SLC25A12: variants seen among roughly 807,000 people sequenced by gnomAD.
SLC25A12 encodes the protein solute carrier family 25 member 12, also known as electrogenic aspartate/glutamate antiporter SLC25A12, mitochondrial.
Under a neutral mutation model 83.3 loss-of-function variants are expected in SLC25A12, and 32 were observed. The ratio of observed to expected loss-of-function variants is 0.38; its 90% CI spans 0.29 to 0.52. SLC25A12 has a LOEUF of 0.52. Ranked by LOEUF, SLC25A12 falls within the 20% of genes least tolerant of loss-of-function variation. The probability of loss-of-function intolerance (pLI) is 0.84; values close to 1 mark genes in which losing one functional copy is unlikely to be tolerated. For synonymous variants in SLC25A12, 267 were observed against 291.1 expected, an observed-to-expected ratio of 0.92 and a Z score of 0.84; for missense variants, 611 against 835.6, an observed-to-expected ratio of 0.73 and a Z score of 3.31.
chr2:171,862,604 CA>C (rs761207598), intron 3 of SLC25A12, among the ~76,000 whole-genome samples: 1 of 152,144 alleles, frequency 6.6e-6, no homozygotes, highest in Non-Finnish European at 1.5e-5. Context: ...TTGCAGAGCA[CA>C]AAAGAGCGTG....
At chr2:171,867,147 G>A (rs1343956451) in intron 3 of SLC25A12, among the ~76,000 whole-genome samples, 3 of 151,092 alleles carry the variant, frequency 2.0e-5, no homozygotes, top group African/African-American at 7.3e-5. Flanking sequence ...TCACTTTCCA[G>A]ACTGGGCAGC....
intron 3 of SLC25A12, among the ~76,000 whole-genome samples, chr2:171,865,619 C>T (rs935535679): frequency 1.6e-4 from 24 of 151,792 alleles, no homozygotes; most frequent in African/African-American, 5.1e-4. Context: ...TGAGATCATG[C>T]CACTGTACTC....
chr2:171,816,151 A>C (rs942600767), intron 9 of SLC25A12, among the ~76,000 whole-genome samples: 4 of 149,444 alleles, frequency 2.7e-5, no homozygotes, highest in African/African-American at 7.4e-5. Flanking sequence ...CCGCAGCCTC[A>C]AATTCCCAGG....
At chr2:171,796,703 A>G (rs1371134646) in intron 13 of SLC25A12, among the ~76,000 whole-genome samples, 3 of 152,130 alleles carry the variant, frequency 2.0e-5, no homozygotes, top group Non-Finnish European at 4.4e-5. Context: ...GCCTAGGAAC[A>G]TAAGGCAAAT....
chr2:171,810,238 C>T lies in SLC25A12; in HGVS notation c.1210G>A (p.Ala404Thr). Residue 404 changes from alanine (A) to threonine (T), a missense_variant, in exon 12 of 18, where the codon GCC (alanine) becomes ACC (threonine). Transcript: ENST00000422440. ...GATAAACTTACAGTCAGTTTAATGG[C>T]CTTTTCTGGAGCAACCCCTATAAGT... ...PQLIGVAPEK[A>T]IKLTVNDFVR... 1 of 1,613,376 alleles carries T rather than the reference C, an allele frequency of 6.2e-7. No homozygotes were observed.
At chr2:171,883,847 TTTTG>T (rs1035323918) in intron 2 of SLC25A12, among the ~76,000 whole-genome samples, 75 of 152,070 alleles carry the variant, frequency 4.9e-4, no homozygotes, top group African/African-American at 1.4e-3. Flanking sequence ...GTAAGCTTTT[TTTTG>T]TTTGTTTTGT....
chr2:171,861,174 T>C (rs897235840), intron 3 of SLC25A12, among the ~76,000 whole-genome samples: 1 of 151,746 alleles, frequency 6.6e-6, no homozygotes, highest in African/African-American at 2.4e-5. Flanking sequence ...GTGGTAGATA[T>C]ATGGGTGTTC....
chr2:171,787,370 T>C (rs1690508467), intron 17 of SLC25A12, among the ~76,000 whole-genome samples: 1 of 152,202 alleles, frequency 6.6e-6, no homozygotes, highest in South Asian at 2.1e-4. Flanking sequence ...AATAGCTGCT[T>C]AATATTATGT....
chr2:171,816,510 T>A (rs1430996034), intron 9 of SLC25A12, among the ~76,000 whole-genome samples: 2 of 152,196 alleles, frequency 1.3e-5, no homozygotes, highest in African/African-American at 4.8e-5. Context: ...TAATACCTAA[T>A]ATAAGGTAAA....
At chr2:171,789,630 G>T (rs556119244) in intron 15 of SLC25A12, among the ~76,000 whole-genome samples, 1 of 152,266 alleles carries the variant, frequency 6.6e-6, no homozygotes, top group South Asian at 2.1e-4. Flanking sequence ...GGAAGGAAGG[G>T]GTGCATGTTT....
At chr2:171,888,517 C>T (rs1218945556) in intron 2 of SLC25A12, among the ~76,000 whole-genome samples, 5 of 152,152 alleles carry the variant, frequency 3.3e-5, no homozygotes, top group Non-Finnish European at 7.4e-5. Context: ...TCTCGGCTCA[C>T]TGCAACCCCC....
chr2:171,824,042 C>A (rs1315120237), intron 9 of SLC25A12, among the ~76,000 whole-genome samples: 2 of 152,124 alleles, frequency 1.3e-5, no homozygotes, highest in Non-Finnish European at 2.9e-5. Context: ...AATTCTAGAT[C>A]CCTGTACTAT....
chr2:171,811,377 T>C (rs1443685753), intron 11 of SLC25A12, among the ~76,000 whole-genome samples: 1 of 152,210 alleles, frequency 6.6e-6, no homozygotes, highest in Middle Eastern at 3.2e-3. Flanking sequence ...ATTAACTTTC[T>C]AACCCTCGTG....
chr2:171,822,697 A>G (rs1184730232), intron 9 of SLC25A12, among the ~76,000 whole-genome samples: 5 of 152,152 alleles, frequency 3.3e-5, no homozygotes, highest in Non-Finnish European at 4.4e-5. Context: ...TACTGTCCCT[A>G]TTTAATAAAT....
At chr2:171,864,447 C>T (rs1445643145) in intron 3 of SLC25A12, among the ~76,000 whole-genome samples, 3 of 152,188 alleles carry the variant, frequency 2.0e-5, no homozygotes, top group Non-Finnish European at 4.4e-5. Flanking sequence ...TTTTCACACA[C>T]CCATACACTA....
chr2:171,842,776 T>C (rs1009369121), intron 5 of SLC25A12, among the ~76,000 whole-genome samples: 19 of 152,146 alleles, frequency 1.2e-4, no homozygotes, highest in African/African-American at 4.1e-4. Flanking sequence ...TGGAACTAGA[T>C]ATAAGACACT....
rs1263705709 is a variant in SLC25A12, at chr2:171,783,441, A to G, written c.*1833T>C. Among the ~76,000 whole-genome samples, 1 of 152,274 alleles carries G rather than the reference A, an allele frequency of 6.6e-6. No homozygotes were observed. The highest frequency in any genetic ancestry group is 2.4e-5 in the African/African-American group (1 of 41,476). On this transcript the variant is annotated 3_prime_UTR_variant, in exon 18 of 18. Transcript: ENST00000422440. ...TAAAACTTTATAAACTGACATGGAA[A>G]GATATCCAAAACACATTAAGTGAAC...
chr2:171,828,429 T>C (rs1007893016), intron 8 of SLC25A12, among the ~76,000 whole-genome samples: 1 of 152,224 alleles, frequency 6.6e-6, no homozygotes, highest in Admixed American at 6.5e-5. Context: ...ATCTCTTAGA[T>C]GTTTTGACTT....
chr2:171,799,857 C>T (rs1287346243), intron 13 of SLC25A12, among the ~76,000 whole-genome samples: 3 of 152,220 alleles, frequency 2.0e-5, no homozygotes, highest in Non-Finnish European at 4.4e-5. Flanking sequence ...GCAACATTAG[C>T]ACTTTGCTGA....
Sources: gnomAD v4.1 joint callset for allele counts (sites outside exome capture counted in the v4.1 genomes callset) on GRCh38, gnomAD v4.1.1 for gene constraint, MANE v1.5 for transcripts, NCBI Gene and HGNC (gene_info 2026-07-23, HGNC 2026-07-21) for gene names.